SYNE1: variants seen among roughly 807,000 people sequenced by gnomAD.
SYNE1 encodes nesprin-1.
A neutral mutation model predicts 1,111.0 loss-of-function variants in SYNE1; 616 were observed. That is an observed-to-expected ratio of 0.55 (90% CI 0.52 to 0.59). SYNE1 has a LOEUF of 0.59. Among genes scored for constraint, SYNE1 ranks in the 20% least tolerant of loss-of-function variants. The pLI is 0.00. For missense variants in SYNE1, 10,006 were observed against 10,417.0 expected (o/e 0.96, Z 1.72); for synonymous variants, 3,855 against 3,825.8 (o/e 1.01, Z -0.28).
chr6:152,300,274 GT>G (rs1278882798), intron 93 of SYNE1, among the ~76,000 whole-genome samples: 1 of 152,168 alleles, frequency 6.6e-6, no homozygotes, highest in Admixed American at 6.6e-5. Context: ...TTCAATGCAT[GT>G]TATAAAGCCA....
chr6:152,623,227 C>T (rs1243032568), intron 3 of SYNE1, among the ~76,000 whole-genome samples: 2 of 151,986 alleles, frequency 1.3e-5, no homozygotes, highest in African/African-American at 2.4e-5. Flanking sequence ...TTTGACAAAC[C>T]TGACAAAAAC....
intron 95 of SYNE1, among the ~76,000 whole-genome samples, chr6:152,290,776 C>G (rs1019884397): frequency 1.3e-5 from 2 of 151,964 alleles, no homozygotes. Flanking sequence ...ACTGGACTTC[C>G]TCACACCCAT....
Position 152,323,552 on chromosome 6 carries a change from A to G in SYNE1, c.15843T>C (p.Asp5281=). The change falls in exon 82 of 146, where the codon GAT becomes GAC. Residue 5281 remains aspartate, a synonymous_variant. Coordinates refer to ENST00000367255, the MANE Select transcript of SYNE1 (RefSeq NM_182961.4). The part of the protein sequence containing the change: ...LRQQTLSMLQ[D]GAAPTPGEEP... ...CTTCCCCAGGGGTTGGGGCGGCTCC[A>G]TCCTGGAGCATGCTCAGGGTTTGCT... 6.2e-7 allele frequency: 1 copy of G among 1,614,244 alleles called. No homozygotes were observed. Among genetic ancestry groups the G allele is most frequent in the Non-Finnish European group, 8.5e-7 (1 of 1,180,038 alleles).
chr6:152,476,878 A>G (rs1412436623), intron 14 of SYNE1, among the ~76,000 whole-genome samples: 1 of 151,868 alleles, frequency 6.6e-6, no homozygotes, highest in African/African-American at 2.4e-5. Flanking sequence ...AAAAAAAAAA[A>G]AAAGAAAAGA....
rs2076049943 is a variant in SYNE1, at chr6:152,204,156, G to A, written c.23019+2012C>T. 2.6e-5 allele frequency among the ~76,000 whole-genome samples: 4 copies of A among 152,070 alleles called. No individual in the cohort carries two copies. In the South Asian group the frequency reaches 8.3e-4, roughly 32 times the overall value. On this transcript the variant is annotated intron_variant, in intron 126 of 145. Coordinates refer to ENST00000367255, the MANE Select transcript of SYNE1 (RefSeq NM_182961.4). The stretch of plus-strand genomic sequence containing the variant: ...AGGAAGGGCAGATCACTTGAAGCCA[G>A]GAGTTCGAGACCAGCCTGGCCAACA...
intron 83 of SYNE1, 77 bp downstream of exon 83, chr6:152,321,644 A>G: frequency 3.8e-6 from 6 of 1,562,818 alleles, no homozygotes; most frequent in Non-Finnish European, 5.3e-6. Flanking sequence ...AATAAATACA[A>G]ACAAGTATGT....
At chr6:152,296,744 A>G (rs1485508210) in intron 93 of SYNE1, among the ~76,000 whole-genome samples, 1 of 152,212 alleles carries the variant, frequency 6.6e-6, no homozygotes. Flanking sequence ...TCACATTCGT[A>G]GCTTGTTTTG....
intron 117 of SYNE1, among the ~76,000 whole-genome samples, chr6:152,224,116 T>C (rs893568804): frequency 6.6e-6 from 1 of 152,232 alleles, no homozygotes; most frequent in African/African-American, 2.4e-5. Context: ...CGTTTTTCTC[T>C]GTGTTTTCTT....
At chr6:152,574,291 T>C (rs534178466) in intron 3 of SYNE1, among the ~76,000 whole-genome samples, 1 of 151,714 alleles carries the variant, frequency 6.6e-6, no homozygotes, top group East Asian at 1.9e-4. Flanking sequence ...AGAGGAAATA[T>C]ATATAATATA....
Position 152,465,995 on chromosome 6 carries a change from T to C in SYNE1, c.1716A>G (p.Lys572=). The C allele has an allele frequency of 6.2e-7, 1 of 1,612,078 alleles. No homozygotes were observed. Among genetic ancestry groups the C allele is most frequent in the Non-Finnish European group, 8.5e-7 (1 of 1,178,384 alleles). The change falls in exon 17 of 146, where the codon AAA becomes AAG. Residue 572 remains lysine, a synonymous_variant. Transcript: ENST00000367255. Reference sequence around the variant, plus strand: ...AGTATGTTTTACCTGAACCATCTGCTTTGACATACATCTCAGCTGTCTGTT... The same window carrying C: ...AGTATGTTTTACCTGAACCATCTGCCTTGACATACATCTCAGCTGTCTGTT... ...ILKQTAEMYV[K]ADGSVEEAEN...
intron 2 of SYNE1, among the ~76,000 whole-genome samples, chr6:152,634,466 AT>A (rs1174560849): frequency 2.6e-5 from 4 of 152,150 alleles, no homozygotes; most frequent in East Asian, 1.9e-4. Flanking sequence ...AAATTTAATT[AT>A]TTTTTTCTCT....
In SYNE1 at chr6:152,442,116, C is replaced by T. The variant is rs773834166; in HGVS notation, c.3967G>A (p.Gly1323Ser). The change falls in exon 31 of 146, where the codon GGC becomes AGC. Residue 1323 changes from glycine (G) to serine (S), a missense_variant. Physicochemically the swap from Gly to Ser is moderately conservative, Grantham distance 56. Around this residue, in one of 7 missense-constraint regions of SYNE1, gnomAD observed 1,971 missense variants for 2,084.1 expected, o/e 0.95. Transcript: ENST00000367255. Reference sequence around the variant, plus strand: ...TGCCTCTCCCGGCTGCGCTCCAGGCCATCCAGTGTGCTCTCCAGCTTCCGC... The same window carrying T: ...TGCCTCTCCCGGCTGCGCTCCAGGCTATCCAGTGTGCTCTCCAGCTTCCGC... ...ELRKLESTLD[G>S]LERSRERQER... The T allele has an allele frequency of 6.2e-6, 10 of 1,613,964 alleles. No individual in the cohort carries two copies. The highest frequency in any genetic ancestry group is 8.5e-6 in the Non-Finnish European group (10 of 1,180,038).
chr6:152,573,937 G>A lies in SYNE1; in HGVS notation c.68-33916C>T, dbSNP rs9478337. 5.3e-5 allele frequency among the ~76,000 whole-genome samples: 8 copies of A among 152,112 alleles called. No homozygotes were observed. In the South Asian group the frequency reaches 1.2e-3, roughly 24 times the overall value. ...CTCTGCTTCACCTGTTGGAAGCACAGAACATATTTTAACTTTACGGGCTGT... is the reference window on the plus strand; with the variant it reads ...CTCTGCTTCACCTGTTGGAAGCACAAAACATATTTTAACTTTACGGGCTGT... On this transcript the variant is annotated intron_variant, in intron 3 of 145. Coordinates refer to ENST00000367255, the MANE Select transcript of SYNE1 (RefSeq NM_182961.4).
intron 3 of SYNE1, among the ~76,000 whole-genome samples, chr6:152,605,863 G>A (rs972668995): frequency 6.6e-6 from 1 of 152,068 alleles, no homozygotes; most frequent in Non-Finnish European, 1.5e-5. Context: ...GTGTTCATTA[G>A]AGTATTGCTT....
chr6:152,624,174 C>A (rs1424740913), intron 3 of SYNE1, among the ~76,000 whole-genome samples: 1 of 152,036 alleles, frequency 6.6e-6, no homozygotes, highest in Non-Finnish European at 1.5e-5. Context: ...AGTGAATAAT[C>A]CTACTCTCCT....
At chr6:152,381,891 T>C (rs750873513) in intron 55 of SYNE1, among the ~76,000 whole-genome samples, 2 of 152,158 alleles carry the variant, frequency 1.3e-5, no homozygotes, top group Non-Finnish European at 2.9e-5. Context: ...ACCTCAATAC[T>C]AAGTAAACAT....
intron 73 of SYNE1, 117 bp from the exon 74 acceptor site, chr6:152,344,344 G>T: frequency 6.7e-7 from 1 of 1,490,430 alleles, no homozygotes; most frequent in Non-Finnish European, 9.2e-7. Flanking sequence ...CCAAGATTCT[G>T]CAATTTCATC....
At chr6:152,621,467 CA>C (rs2099675115) in intron 3 of SYNE1, among the ~76,000 whole-genome samples, 1 of 151,804 alleles carries the variant, frequency 6.6e-6, no homozygotes, top group Non-Finnish European at 1.5e-5. Context: ...ATCAAAGGTG[CA>C]ATAAAGTGAA....
At chr6:152,168,253 C>A in intron 130 of SYNE1, 3 of 681,460 alleles carry the variant, frequency 4.4e-6, no homozygotes, top group Non-Finnish European at 7.9e-6. Context: ...AAAGCTATAT[C>A]CTGCGTGGGG....
Sources: gnomAD v4.1 joint callset for allele counts (sites outside exome capture counted in the v4.1 genomes callset) on GRCh38, gnomAD v4.1.1 for gene constraint, gnomAD v4.1.1 regional missense constraint, MANE v1.5 for transcripts, NCBI Gene and HGNC (gene_info 2026-07-23, HGNC 2026-07-21) for gene names.